SUSD4: variants seen among roughly 807,000 people sequenced by gnomAD.
SUSD4 encodes the protein sushi domain-containing protein 4.
A neutral mutation model predicts 50.5 loss-of-function variants in SUSD4; 41 were observed. The observed-to-expected ratio is 0.81, with a 90% CI of 0.63 to 1.05. The LOEUF is 1.05. Ranked by LOEUF, SUSD4 falls within the 50% of genes least tolerant of loss-of-function variation. The probability of loss-of-function intolerance (pLI) is 0.00; values close to 1 mark genes in which losing one functional copy is unlikely to be tolerated. For missense variants in SUSD4, 580 were observed against 634.7 expected (o/e 0.91, Z 0.93); for synonymous variants, 257 against 257.3 (o/e 1.00, Z 0.01).
At chr1:223,342,704 A>G (rs756066345) in intron 2 of SUSD4, among the ~76,000 whole-genome samples, 2 of 152,246 alleles carry the variant, frequency 1.3e-5, no homozygotes, top group Non-Finnish European at 2.9e-5. Context: ...AACCATCTGG[A>G]TAAAAATTAA....
chr1:223,322,442 G>A (rs984921947), intron 2 of SUSD4, among the ~76,000 whole-genome samples: 2 of 152,218 alleles, frequency 1.3e-5, no homozygotes, highest in Admixed American at 1.3e-4. Context: ...ACACAGGAAA[G>A]ACCTAACACA....
intron 2 of SUSD4, chr1:223,358,808 A>G (rs1356006399): frequency 4.9e-6 from 1 of 203,750 alleles, no homozygotes; most frequent in Non-Finnish European, 1.0e-5. Context: ...AGAAACATAC[A>G]TTAGAGTTAG....
At chr1:223,335,343 T>C (rs1194316720) in intron 2 of SUSD4, among the ~76,000 whole-genome samples, 1 of 152,216 alleles carries the variant, frequency 6.6e-6, no homozygotes, top group Non-Finnish European at 1.5e-5. Context: ...CCACCAGCAG[T>C]GTAGAAGTGT....
chr1:223,260,898 T>C (rs575639160), intron 5 of SUSD4, among the ~76,000 whole-genome samples: 6 of 152,228 alleles, frequency 3.9e-5, no homozygotes, highest in African/African-American at 4.8e-5. Context: ...TATGAGATTG[T>C]TGACATGTCA....
intron 2 of SUSD4, among the ~76,000 whole-genome samples, chr1:223,324,332 G>T (rs1666751266): frequency 6.6e-6 from 1 of 151,508 alleles, no homozygotes; most frequent in African/African-American, 2.4e-5. Context: ...GGGCCATTGG[G>T]TGTATGGGCA....
chr1:223,326,545 C>A (rs1360555872), intron 2 of SUSD4, among the ~76,000 whole-genome samples: 1 of 151,946 alleles, frequency 6.6e-6, no homozygotes, highest in Non-Finnish European at 1.5e-5. Context: ...AAATAATAAC[C>A]AGAGTAAACA....
chr1:223,223,174 A>G lies in SUSD4; in HGVS notation c.1444+75T>C, dbSNP rs551658609. The G allele has an allele frequency of 8.6e-5, 128 of 1,493,294 alleles. No individual in the cohort carries two copies. In the African/African-American group the frequency reaches 1.7e-3, roughly 20 times the overall value. The allele number at this position is 1,493,294 out of a possible 1,614,324, so 92.5% of individuals were successfully genotyped here. On this transcript the variant is annotated intron_variant, in intron 8 of 8. Coordinates refer to ENST00000366878, the MANE Select transcript of SUSD4 (RefSeq NM_017982.4). ...CTGTGCTGGGGGGTGGAGCGTGCGT[A>G]GCAAGGAGCTGGCTTGAAGATGCTG...
upstream of SUSD4, among the ~76,000 whole-genome samples, chr1:223,364,637 G>T (rs886485404): frequency 6.6e-6 from 1 of 150,924 alleles, no homozygotes; most frequent in East Asian, 2.0e-4. The surrounding 1 kb of genome is among the most constrained non-coding windows in gnomAD (Gnocchi z 4.5). Context: ...TCAGGTGCCC[G>T]CCCCGGCCTC....
intron 2 of SUSD4, among the ~76,000 whole-genome samples, chr1:223,319,896 G>A (rs185042214): frequency 6.6e-6 from 1 of 152,296 alleles, no homozygotes; most frequent in Admixed American, 6.5e-5. Flanking sequence ...GCAAGGGCTC[G>A]AAGCCAATCA....
At chr1:223,313,397 G>C (rs1433403688) in intron 2 of SUSD4, among the ~76,000 whole-genome samples, 1 of 152,202 alleles carries the variant, frequency 6.6e-6, no homozygotes, top group Non-Finnish European at 1.5e-5. Flanking sequence ...CTGAGGACAT[G>C]AAAGATTTGC....
rs146420407 is a variant in SUSD4 at position 223,292,580 on chromosome 1, C to G, written c.220G>C (p.Val74Leu). 2.1e-5 allele frequency: 34 copies of G among 1,614,154 alleles called. No homozygotes were observed. In the East Asian group the frequency reaches 7.1e-4, roughly 34 times the overall value. The stretch of plus-strand genomic sequence containing the variant: ...CGGGCTACAGAGCCTTCAAAGAAAA[C>G]CCCTCCGCTGGGGGTCCTGAAGCCA... ...ENGFRTPSGG[V>L]FFEGSVARFH... The change falls in exon 3 of 9, where the codon GTT becomes CTT. Residue 74 changes from valine to leucine, a missense_variant. Val to Leu is a conservative substitution (Grantham distance 32). Coordinates refer to ENST00000366878, the MANE Select transcript of SUSD4 (RefSeq NM_017982.4).
intron 3 of SUSD4, among the ~76,000 whole-genome samples, chr1:223,276,232 C>T (rs898003110): frequency 3.3e-5 from 5 of 152,242 alleles, no homozygotes; most frequent in Admixed American, 1.3e-4. Context: ...CTAACAGTCA[C>T]TGTGCGACCT....
chr1:223,309,081 T>C (rs560520413), intron 2 of SUSD4, among the ~76,000 whole-genome samples: 1 of 152,324 alleles, frequency 6.6e-6, no homozygotes, highest in South Asian at 2.1e-4. Context: ...AAGAGAGTTG[T>C]TGTTTTTCTC....
At chr1:223,364,395 TGCGCGGGC>T (rs1669198331), upstream of SUSD4, among the ~76,000 whole-genome samples, 2 of 142,032 alleles carry the variant, frequency 1.4e-5, no homozygotes, top group Admixed American at 6.9e-5. The surrounding 1 kb of genome is among the most constrained non-coding windows in gnomAD (Gnocchi z 4.5). Flanking sequence ...GGGCGAGGGG[TGCGCGGGC>T]GCGCGAGCAC....
At chr1:223,342,055 C>T (rs868349752) in intron 2 of SUSD4, among the ~76,000 whole-genome samples, 14 of 152,134 alleles carry the variant, frequency 9.2e-5, no homozygotes, top group African/African-American at 3.4e-4. Context: ...ACATCCCTTG[C>T]CTTTCCTATT....
chr1:223,323,753 A>G (rs953474065), intron 2 of SUSD4, among the ~76,000 whole-genome samples: 3 of 152,020 alleles, frequency 2.0e-5, no homozygotes, highest in African/African-American at 7.3e-5. Flanking sequence ...AAGGGCAAGG[A>G]CTCAGGAGAA....
At position 223,303,922 on chromosome 1, in the gene SUSD4, C is replaced by T. The variant is rs1665349611; in HGVS notation, c.149-11271G>A. On this transcript the variant is annotated intron_variant, in intron 2 of 8. Coordinates refer to ENST00000366878, the MANE Select transcript of SUSD4 (RefSeq NM_017982.4). ...AAACAGAAACACAGTCTTTCTATAA[C>T]CTATGATTAGCAAGATATTAATCAG... Among the ~76,000 whole-genome samples the T allele has an allele frequency of 4.6e-5, 7 of 152,294 alleles. No homozygotes were observed. In the South Asian group the frequency reaches 1.2e-3, roughly 27 times the overall value.
In SUSD4 at chr1:223,355,106, G is replaced by A. The variant is rs1233598819; in HGVS notation, c.148+8172C>T. On this transcript the variant is annotated intron_variant, in intron 2 of 8. Coordinates refer to ENST00000366878, the MANE Select transcript of SUSD4 (RefSeq NM_017982.4). The stretch of plus-strand genomic sequence containing the variant: ...TTTTTTTTTTTTCAGATGGAGTCTC[G>A]CTCTGTTGCCCAGGCTGGAGTTCAG... 2.7e-5 allele frequency among the ~76,000 whole-genome samples: 4 copies of A among 149,530 alleles called. No individual in the cohort carries two copies. In the East Asian group the frequency reaches 5.9e-4, roughly 22 times the overall value.
At chr1:223,291,058 C>T (rs1263964300) in intron 3 of SUSD4, among the ~76,000 whole-genome samples, 1 of 151,948 alleles carries the variant, frequency 6.6e-6, no homozygotes, top group Non-Finnish European at 1.5e-5. Context: ...TTTTAAAAAC[C>T]TTAAGTCTTT....
Sources: gnomAD v4.1 joint callset for allele counts (sites outside exome capture counted in the v4.1 genomes callset) on GRCh38, gnomAD v4.1.1 for gene constraint, Gnocchi (gnomAD v3.1) non-coding constraint, MANE v1.5 for transcripts, NCBI Gene and HGNC (gene_info 2026-07-23, HGNC 2026-07-21) for gene names.